The following CDKAL1 variants were observed in gnomAD, a reference collection of about 807,000 sequenced individuals.
CDKAL1 encodes the protein threonylcarbamoyladenosine tRNA methylthiotransferase.
CDKAL1 carries 32 observed loss-of-function variants against 68.2 expected under a neutral mutation model. The ratio of observed to expected loss-of-function variants is 0.47; its 90% CI spans 0.35 to 0.63. The LOEUF (loss-of-function observed/expected upper bound fraction) is 0.63, where lower values mean the gene tolerates loss of function less well. CDKAL1 is among the 30% of genes least tolerant of loss of function. The pLI is 0.00. For missense variants in CDKAL1, 606 were observed against 696.7 expected, an observed-to-expected ratio of 0.87 and a Z score of 1.47; for synonymous variants, 234 against 244.3, an observed-to-expected ratio of 0.96 and a Z score of 0.39.
chr6:21,210,013 T>C (rs984905760), intron 15 of CDKAL1, among the ~76,000 whole-genome samples: 1 of 152,222 alleles, frequency 6.6e-6, no homozygotes, highest in African/African-American at 2.4e-5. Flanking sequence ...ATAATATCTG[T>C]CTGTGTCAGG....
chr6:21,027,898 A>G (rs897095720), intron 11 of CDKAL1, among the ~76,000 whole-genome samples: 1 of 152,182 alleles, frequency 6.6e-6, no homozygotes, highest in African/African-American at 2.4e-5. Flanking sequence ...CATTTGGGAT[A>G]AGAGCCTGTG....
At chr6:20,755,429 C>T (rs557928558) in intron 6 of CDKAL1, among the ~76,000 whole-genome samples, 185 of 152,044 alleles carry the variant, frequency 1.2e-3, no homozygotes, top group Non-Finnish European at 2.0e-3. Context: ...TTCTTTTCTC[C>T]TTCCTTTTTT....
At position 20,966,577 on chromosome 6, in the gene CDKAL1, G is replaced by A. The variant is rs1243506969; in HGVS notation, c.909+10992G>A. ...ATCCCCAATTATTCATTAGTTTGAG[G>A]GGGGAAATGGTTTCTGTTTATAACA... On this transcript the variant is annotated intron_variant, in intron 10 of 15. Coordinates refer to ENST00000274695, the MANE Select transcript of CDKAL1 (RefSeq NM_017774.3). Among the ~76,000 whole-genome samples, 3 of 152,134 alleles carry A rather than the reference G, an allele frequency of 2.0e-5. No individual in the cohort carries two copies. In the East Asian group the frequency reaches 5.8e-4, roughly 29 times the overall value.
chr6:20,945,620 A>G (rs1764199600), intron 9 of CDKAL1, among the ~76,000 whole-genome samples: 1 of 152,132 alleles, frequency 6.6e-6, no homozygotes, highest in Non-Finnish European at 1.5e-5. Context: ...TGTGGCAAGT[A>G]TTGGTTTGTT....
chr6:20,722,637 CA>C, intron 5 of CDKAL1: 2 of 176,770 alleles, frequency 1.1e-5, no homozygotes, highest in Non-Finnish European at 2.4e-5. Flanking sequence ...ACCTCACCAT[CA>C]AAAACAAAAC....
chr6:20,643,501 G>C (rs1768286361), intron 4 of CDKAL1, among the ~76,000 whole-genome samples: 1 of 152,202 alleles, frequency 6.6e-6, no homozygotes, highest in Non-Finnish European at 1.5e-5. Flanking sequence ...TTGCAGAGTT[G>C]ATGGTGTTTC....
chr6:20,603,548 G>A (rs1766197256), intron 4 of CDKAL1, among the ~76,000 whole-genome samples: 1 of 152,076 alleles, frequency 6.6e-6, no homozygotes, highest in South Asian at 2.1e-4. Flanking sequence ...AAGAAAATTT[G>A]AGCCTAGTTT....
chr6:20,885,033 T>C (rs1278420551), intron 9 of CDKAL1, among the ~76,000 whole-genome samples: 1 of 152,102 alleles, frequency 6.6e-6, no homozygotes, highest in African/African-American at 2.4e-5. Flanking sequence ...TAAATAAAAG[T>C]AAAGACATTC....
chr6:20,727,483 T>A (rs1772708837), intron 5 of CDKAL1, among the ~76,000 whole-genome samples: 1 of 152,104 alleles, frequency 6.6e-6, no homozygotes, highest in Admixed American at 6.6e-5. Flanking sequence ...AGAAAAGGTT[T>A]GGGGCTTCTT....
At chr6:20,649,442 G>A in intron 5 of CDKAL1, 65 bp downstream of exon 5, 2 of 899,532 alleles carry the variant, frequency 2.2e-6, no homozygotes, top group Non-Finnish European at 1.8e-6. Context: ...CAAAAGATTA[G>A]CTTTTTAAAA....
At chr6:21,106,284 A>G (rs1051054967) in intron 12 of CDKAL1, among the ~76,000 whole-genome samples, 1 of 152,260 alleles carries the variant, frequency 6.6e-6, no homozygotes, top group African/African-American at 2.4e-5. Flanking sequence ...ATCTGTATGT[A>G]CAACCAAGGA....
At chr6:20,916,269 A>G (rs913808509) in intron 9 of CDKAL1, among the ~76,000 whole-genome samples, 4 of 152,226 alleles carry the variant, frequency 2.6e-5, no homozygotes, top group Non-Finnish European at 5.9e-5. Context: ...TTGATAATTG[A>G]TACCATGGTT....
At chr6:20,839,367 T>C (rs1464514949) in intron 8 of CDKAL1, among the ~76,000 whole-genome samples, 1 of 152,240 alleles carries the variant, frequency 6.6e-6, no homozygotes, top group Non-Finnish European at 1.5e-5. Flanking sequence ...GTAATGATAG[T>C]ACAAGATAGT....
intron 4 of CDKAL1, among the ~76,000 whole-genome samples, chr6:20,597,846 A>G (rs1765902504): frequency 6.6e-6 from 1 of 152,224 alleles, no homozygotes; most frequent in Non-Finnish European, 1.5e-5. Flanking sequence ...ATTGATATCT[A>G]GAGAGTTTCT....
intron 8 of CDKAL1, among the ~76,000 whole-genome samples, chr6:20,805,959 A>G (rs1776554668): frequency 6.6e-6 from 1 of 152,202 alleles, no homozygotes; most frequent in Non-Finnish European, 1.5e-5. Flanking sequence ...AAAACAAGGC[A>G]TATGATTTCA....
At chr6:20,551,562 G>A (rs752515721) in intron 4 of CDKAL1, among the ~76,000 whole-genome samples, 10 of 151,318 alleles carry the variant, frequency 6.6e-5, no homozygotes, top group Non-Finnish European at 1.3e-4. Context: ...AGTAGAGACG[G>A]GGTTTCACCG....
chr6:20,691,948 G>C (rs1770889412), intron 5 of CDKAL1, among the ~76,000 whole-genome samples: 1 of 151,862 alleles, frequency 6.6e-6, no homozygotes, highest in South Asian at 2.1e-4. Context: ...TAATTTATAA[G>C]CAAATATACA....
chr6:20,792,012 C>T (rs1775917957), intron 8 of CDKAL1, among the ~76,000 whole-genome samples: 1 of 151,872 alleles, frequency 6.6e-6, no homozygotes, highest in South Asian at 2.1e-4. Flanking sequence ...ACTTGTGTAG[C>T]CCAACTTTAA....
chr6:21,141,393 G>A (rs886804490), intron 13 of CDKAL1, among the ~76,000 whole-genome samples: 3 of 152,298 alleles, frequency 2.0e-5, no homozygotes, highest in Admixed American at 2.0e-4. Context: ...AAAGCACTCT[G>A]TGCTTCCCTC....
Sources: allele counts gnomAD v4.1 joint callset (sites outside exome capture counted in the v4.1 genomes callset), GRCh38; gene constraint gnomAD v4.1.1; transcripts MANE v1.5; gene names NCBI Gene and HGNC (gene_info 2026-07-23, HGNC 2026-07-21).